JPH3: variants seen among roughly 807,000 people sequenced by gnomAD.
JPH3 encodes the protein junctophilin 3.
In JPH3, 11 loss-of-function variants were observed where a neutral mutation model predicts 59.6. The ratio of observed to expected loss-of-function variants is 0.18; its 90% CI spans 0.12 to 0.31. The LOEUF (loss-of-function observed/expected upper bound fraction) is 0.31. Ranked by LOEUF, JPH3 falls within the 10% of genes least tolerant of loss-of-function variation. The pLI is 1.00. For synonymous variants in JPH3, 673 were observed against 483.6 expected (o/e 1.39, Z -5.14); for missense variants, 1,202 against 1,105.7 (o/e 1.09, Z -1.24).
intron 2 of JPH3, among the ~76,000 whole-genome samples, chr16:87,664,643 C>T (rs1450993761): frequency 1.3e-5 from 2 of 152,140 alleles, no homozygotes; most frequent in African/African-American, 2.4e-5. Flanking sequence ...AGTAATAATT[C>T]GTCCGTCTCC....
At chr16:87,641,055 C>T (rs573338664) in intron 1 of JPH3, among the ~76,000 whole-genome samples, 4 of 152,330 alleles carry the variant, frequency 2.6e-5, no homozygotes, top group South Asian at 2.1e-4. Flanking sequence ...CAGTGTGGTT[C>T]GCATTGGGGT....
intron 2 of JPH3, among the ~76,000 whole-genome samples, chr16:87,649,826 G>A (rs1739289284): frequency 6.6e-6 from 1 of 152,122 alleles, no homozygotes; most frequent in South Asian, 2.1e-4. Flanking sequence ...TTCTGCTGCG[G>A]GAGAGGGAGA....
chr16:87,695,338 G>A (rs867939231), intron 4 of JPH3: 14 of 455,992 alleles, frequency 3.1e-5, no homozygotes, highest in South Asian at 2.0e-4. Context: ...CTGTTAACAG[G>A]GAGGGGGAGG....
chr16:87,619,315 GAAA>G, intron 1 of JPH3, among the ~76,000 whole-genome samples: 1 of 140,618 alleles, frequency 7.1e-6, no homozygotes, highest in East Asian at 2.1e-4. Flanking sequence ...CCTGTCTTAA[GAAA>G]AAAAAAAAAA....
intron 4 of JPH3, chr16:87,693,938 G>C (rs1341679840): frequency 6.6e-6 from 1 of 152,292 alleles, no homozygotes; most frequent in Non-Finnish European, 1.5e-5. Flanking sequence ...GCAGAGGCAA[G>C]TACTCCCACC....
intron 2 of JPH3, among the ~76,000 whole-genome samples, chr16:87,647,524 C>T (rs2032191579): frequency 6.6e-6 from 1 of 152,214 alleles, no homozygotes; most frequent in South Asian, 2.1e-4. Flanking sequence ...CAGGTTGCGG[C>T]TTGCCTTCTG....
intron 1 of JPH3, among the ~76,000 whole-genome samples, chr16:87,623,978 C>G (rs772409664): frequency 3.3e-5 from 5 of 152,234 alleles, no homozygotes; most frequent in Non-Finnish European, 7.3e-5. Flanking sequence ...GCCCAGAAGT[C>G]TAGGTGTGTC....
Position 87,623,219 on chromosome 16 carries a change from C to T in JPH3, c.382+19691C>T, listed in dbSNP as rs1440505787. 7.9e-5 allele frequency among the ~76,000 whole-genome samples: 12 copies of T among 152,352 alleles called. No homozygotes were observed. The East Asian group carries it at 2.3e-3, about 29-fold the overall frequency. On this transcript the variant is annotated intron_variant, in intron 1 of 4. Coordinates refer to ENST00000284262, the MANE Select transcript of JPH3 (RefSeq NM_020655.4). ...GTCCTGCAAGGACCTCAGCACCTTC[C>T]TTGCTTTGAGCATCCCTCCCCCAAG...
At chr16:87,660,450 C>A (rs1436042902) in intron 2 of JPH3, among the ~76,000 whole-genome samples, 1 of 152,144 alleles carries the variant, frequency 6.6e-6, no homozygotes, top group Non-Finnish European at 1.5e-5. Context: ...CCCAAGTGGC[C>A]AAGCTAATTC....
intron 2 of JPH3, among the ~76,000 whole-genome samples, chr16:87,680,870 G>C (rs571671160): frequency 2.6e-5 from 4 of 152,206 alleles, no homozygotes; most frequent in Non-Finnish European, 5.9e-5. Flanking sequence ...GTAAACACAC[G>C]TATGATGTTG....
At chr16:87,675,288 C>T (rs1301538133) in intron 2 of JPH3, among the ~76,000 whole-genome samples, 1 of 151,830 alleles carries the variant, frequency 6.6e-6, no homozygotes, top group Non-Finnish European at 1.5e-5. Flanking sequence ...GCCTCCCAGG[C>T]CTCAGCCACG....
intron 1 of JPH3, among the ~76,000 whole-genome samples, chr16:87,634,653 G>T (rs541227323): frequency 6.6e-6 from 1 of 152,244 alleles, no homozygotes; most frequent in African/African-American, 2.4e-5. Flanking sequence ...TGACGGGAGG[G>T]GGGCTCTGGC....
Position 87,690,506 on chromosome 16 carries a change from G to C in JPH3, c.2146G>C (p.Asp716His), listed in dbSNP as rs1348466278. The C allele has an allele frequency of 6.7e-7, 1 of 1,482,712 alleles. No individual in the cohort carries two copies. Among genetic ancestry groups the C allele is most frequent in the Non-Finnish European group, 8.9e-7 (1 of 1,117,576 alleles). The allele number at this position is 1,482,712 out of a possible 1,614,324, so 91.8% of individuals were successfully genotyped here. ...TCTAGAGTCCGACGAGGAGAATGGG[G>C]ATGAGCTCAAGTCCAGTACGGTGAG... is the stretch of plus-strand genomic sequence containing the variant. Reference protein sequence around the residue: ...VALESDEENGDELKSSTGSAP... With the variant: ...VALESDEENGHELKSSTGSAP... The change falls in exon 4 of 5, where the codon GAT becomes CAT. Residue 716 changes from aspartate to histidine, a missense_variant. Asp to His is a moderately conservative substitution (Grantham distance 81, BLOSUM62 -1). Coordinates refer to ENST00000284262, the MANE Select transcript of JPH3 (RefSeq NM_020655.4).
intron 1 of JPH3, among the ~76,000 whole-genome samples, chr16:87,608,705 T>C (rs1567580093): frequency 1.3e-5 from 2 of 152,186 alleles, no homozygotes; most frequent in Non-Finnish European, 2.9e-5. Flanking sequence ...AGTGACCGCC[T>C]GGTCCCGGAC....
At chr16:87,682,074 CAG>C (rs769906850) in intron 2 of JPH3, among the ~76,000 whole-genome samples, 2 of 152,092 alleles carry the variant, frequency 1.3e-5, no homozygotes, top group African/African-American at 4.8e-5. Context: ...CCCCACAAGA[CAG>C]GGGGTGTGCT....
At chr16:87,607,360 T>G (rs960815965) in intron 1 of JPH3, among the ~76,000 whole-genome samples, 1 of 152,100 alleles carries the variant, frequency 6.6e-6, no homozygotes, top group Non-Finnish European at 1.5e-5. Context: ...CCCCTCATAC[T>G]CAGGTCCCGT....
chr16:87,637,394 GAGAGA>G (rs2031788498), intron 1 of JPH3, among the ~76,000 whole-genome samples: 7 of 135,922 alleles, frequency 5.2e-5, no homozygotes, highest in Non-Finnish European at 6.3e-5. Flanking sequence ...TTATGGGGGA[GAGAGA>G]GAGAGAGAGA....
intron 2 of JPH3, among the ~76,000 whole-genome samples, chr16:87,648,310 G>A (rs2032219438): frequency 6.6e-6 from 1 of 152,166 alleles, no homozygotes; most frequent in South Asian, 2.1e-4. Flanking sequence ...TGAATGGCTG[G>A]CTCAGGCGCC....
At chr16:87,695,799 G>A (rs769886454) in intron 4 of JPH3, 1 of 456,088 alleles carries the variant, frequency 2.2e-6, no homozygotes, top group Non-Finnish European at 4.4e-6. Flanking sequence ...GGCGCCCCCG[G>A]AAAAGGCTCT....
Sources: allele counts gnomAD v4.1 joint callset (sites outside exome capture counted in the v4.1 genomes callset), GRCh38; gene constraint gnomAD v4.1.1; transcripts MANE v1.5; gene names NCBI Gene and HGNC (gene_info 2026-07-23, HGNC 2026-07-21).